Variants in UNC5A observed in about 807,000 individuals in gnomAD.
The protein encoded by UNC5A is unc-5 netrin receptor A.
UNC5A carries 20 observed loss-of-function variants against 87.4 expected under a neutral mutation model. The ratio of observed to expected loss-of-function variants is 0.23; its 90% CI spans 0.16 to 0.33. The LOEUF (loss-of-function observed/expected upper bound fraction) is 0.33, where lower values mean the gene tolerates loss of function less well. UNC5A is among the 10% of genes least tolerant of loss of function. UNC5A has a pLI of 1.00. For missense variants in UNC5A, 844 were observed against 1,133.4 expected (o/e 0.74, Z 3.67); for synonymous variants, 438 against 482.3 (o/e 0.91, Z 1.20).
intron 5 of UNC5A, 120 bp from the exon 6 acceptor site, chr5:176,870,250 C>T: frequency 7.6e-7 from 1 of 1,317,330 alleles, no homozygotes; most frequent in Non-Finnish European, 1.0e-6. Context: ...GGCTTTGCAC[C>T]CAAATCCAGG....
chr5:176,871,840 A>C, intron 6 of UNC5A, among the ~76,000 whole-genome samples: 1 of 40,136 alleles, frequency 2.5e-5, no homozygotes, highest in Non-Finnish European at 6.7e-5. Flanking sequence ...CACTCGCCCC[A>C]ACACCACAGC....
intron 1 of UNC5A, among the ~76,000 whole-genome samples, chr5:176,850,303 A>C (rs920338137): frequency 1.3e-5 from 2 of 152,130 alleles, no homozygotes; most frequent in Admixed American, 6.5e-5. Context: ...CTGCTGTGTT[A>C]GTTGTATGGG....
chr5:176,814,193 G>A (rs1756535083), intron 1 of UNC5A, among the ~76,000 whole-genome samples: 1 of 152,140 alleles, frequency 6.6e-6, no homozygotes, highest in African/African-American at 2.4e-5. Flanking sequence ...GGCATCCCCT[G>A]GCATCCAGGC....
chr5:176,825,269 G>A (rs1157598121), intron 1 of UNC5A, among the ~76,000 whole-genome samples: 1 of 152,198 alleles, frequency 6.6e-6, no homozygotes, highest in Non-Finnish European at 1.5e-5. Context: ...GAGGATTCAG[G>A]GGACAATTTT....
intron 9 of UNC5A, 89 bp from the exon 10 acceptor site, chr5:176,877,446 A>T (rs926942908): frequency 6.9e-7 from 1 of 1,449,146 alleles, no homozygotes; most frequent in African/African-American, 1.4e-5. Context: ...GGCCCCTGGG[A>T]TGCTGCTGCC....
intron 2 of UNC5A, among the ~76,000 whole-genome samples, chr5:176,864,130 G>A (rs890110464): frequency 2.8e-4 from 43 of 152,096 alleles, no homozygotes; most frequent in African/African-American, 8.7e-4. Flanking sequence ...AGGGCAGGCC[G>A]GGGACCTTGG....
chr5:176,845,826 C>T (rs1243834639), intron 1 of UNC5A, among the ~76,000 whole-genome samples: 1 of 152,210 alleles, frequency 6.6e-6, no homozygotes, highest in African/African-American at 2.4e-5. Context: ...AGCTGAGATT[C>T]AGGCGATGAG....
rs907817792 is a variant in UNC5A at position 176,869,478 on chromosome 5, A to G, written c.721+514A>G. 1 of 584,914 alleles carries G rather than the reference A, an allele frequency of 1.7e-6. No homozygotes were observed. 36.2% of individuals were successfully genotyped at this position (584,914 alleles called of 1,614,324 possible). A position where few individuals can be genotyped will look rare whatever the true frequency, so the allele number is the denominator to read the frequency against. On this transcript the variant is annotated intron_variant, in intron 5 of 14. Transcript: ENST00000329542. This position sits in a 1 kb window ranked among gnomAD's most constrained non-coding sequence, Gnocchi z 9.1. ...AGCAGGCACGAGCATGGCCTCCCCCAGGCCTTCTCTCCCAGCTCAGCCACA... is the reference window on the plus strand; with the variant it reads ...AGCAGGCACGAGCATGGCCTCCCCCGGGCCTTCTCTCCCAGCTCAGCCACA...
chr5:176,843,246 G>C (rs1481916755), intron 1 of UNC5A, among the ~76,000 whole-genome samples: 1 of 152,176 alleles, frequency 6.6e-6, no homozygotes, highest in Non-Finnish European at 1.5e-5. Context: ...TGAGGGGACA[G>C]ATGCTGTGGT....
rs1468503825 is a variant in UNC5A at position 176,866,343 on chromosome 5, G to T, written c.293-1787G>T. Among the ~76,000 whole-genome samples, 2 of 152,206 alleles carry T rather than the reference G, an allele frequency of 1.3e-5. No individual in the cohort carries two copies. The highest frequency in any genetic ancestry group is 1.3e-4 in the Admixed American group (2 of 15,286). On this transcript the variant is annotated intron_variant, in intron 2 of 14. Coordinates refer to ENST00000329542, the MANE Select transcript of UNC5A (RefSeq NM_133369.3). The surrounding 1 kb of genome is among the most constrained non-coding windows in gnomAD (Gnocchi z 5.0). ...AGGGCACCCCTCACCAAGGCACTGC[G>T]TGGAGCTGGCACATTGAGGACACAC...
intron 2 of UNC5A, among the ~76,000 whole-genome samples, chr5:176,863,855 C>A: frequency 8.6e-6 from 1 of 116,452 alleles, no homozygotes; most frequent in Non-Finnish European, 1.8e-5. Flanking sequence ...TCCCCCACTC[C>A]TCTCCTACCT....
rs375888413 is a variant in UNC5A at position 176,841,094 on chromosome 5, G to A, written c.71-21530G>A. Among the ~76,000 whole-genome samples, 10 of 152,358 alleles carry A rather than the reference G, an allele frequency of 6.6e-5. No homozygotes were observed. The highest frequency in any genetic ancestry group is 1.9e-4 in the East Asian group (1 of 5,194). Reference sequence around the variant, plus strand: ...TGCATTGAAAGCTGTGGCAGGCAACGGGAGTGTCAGAAACTGTTCTCATCT... The same window carrying A: ...TGCATTGAAAGCTGTGGCAGGCAACAGGAGTGTCAGAAACTGTTCTCATCT... On this transcript the variant is annotated intron_variant, in intron 1 of 14. Coordinates refer to ENST00000329542, the MANE Select transcript of UNC5A (RefSeq NM_133369.3). The surrounding 1 kb of genome is among the most constrained non-coding windows in gnomAD (Gnocchi z 4.1).
chr5:176,823,092 C>T (rs898687583), intron 1 of UNC5A, among the ~76,000 whole-genome samples: 10 of 145,444 alleles, frequency 6.9e-5, no homozygotes, highest in Non-Finnish European at 1.3e-4. Context: ...TCCCTGATGG[C>T]GGGCAGACAG....
In UNC5A at chr5:176,810,664, G is replaced by T. The variant is rs889553702; in HGVS notation, c.-87G>T. 4.5e-6 allele frequency: 2 copies of T among 443,812 alleles called. No homozygotes were observed. Among genetic ancestry groups the T allele is most frequent in the South Asian group, 9.1e-5 (1 of 10,994 alleles). The allele number at this position is 443,812 out of a possible 1,614,324, so 27.5% of individuals were successfully genotyped here. A position where few individuals can be genotyped will look rare whatever the true frequency, so the allele number is the denominator to read the frequency against. On this transcript the variant is annotated 5_prime_UTR_variant, in exon 1 of 15. Coordinates refer to ENST00000329542, the MANE Select transcript of UNC5A (RefSeq NM_133369.3). The surrounding 1 kb of genome is among the most constrained non-coding windows in gnomAD (Gnocchi z 7.3). ...CTGGCATGGGCCCCGGGGGCGCCCC[G>T]AGCTGGGGCTCCGGGCTGAGGCGCT...
Position 176,879,488 on chromosome 5 carries a change from G to A in UNC5A, c.2363G>A (p.Ser788Asn). The A allele has an allele frequency of 1.2e-6, 2 of 1,604,722 alleles. No individual in the cohort carries two copies. Among genetic ancestry groups the A allele is most frequent in the Non-Finnish European group, 1.7e-6 (2 of 1,175,936 alleles). ...CTGGCCCAGAAACTCCACCTGGACA[G>A]GTGGGCGGGAGAGGGGCAGAGAGGG... ...RTLAQKLHLD[S>N]HLSFFASKPS... is the part of the protein sequence containing the mutation. Residue 788 changes from serine to asparagine, a missense_variant and splice_region_variant, in exon 14 of 15, where the codon AGC becomes AAC. Ser to Asn is a conservative substitution (Grantham distance 46, BLOSUM62 1). Around this residue, in one of 3 missense-constraint regions of UNC5A, gnomAD observed 177 missense variants for 279.4 expected, o/e 0.63. Transcript: ENST00000329542.
chr5:176,874,538 C>T lies in UNC5A; in HGVS notation c.1350C>T (p.Leu450=), dbSNP rs140804550. Residue 450 remains leucine (L), a synonymous_variant, in exon 8 of 15, where the codon CTC becomes CTT. Transcript: ENST00000329542. The surrounding 1 kb of genome is among the most constrained non-coding windows in gnomAD (Gnocchi z 7.6). ...TGACCTATGGGACCTTCAACTTCCT[C>T]GGGGGCCGGCTGATGATCCCTAATA... ...SNMTYGTFNF[L]GGRLMIPNTG... 305 of 1,576,942 alleles carry T rather than the reference C, an allele frequency of 1.9e-4. No homozygotes were observed. The highest frequency in any genetic ancestry group is 6.9e-4 in the African/African-American group (51 of 74,162).
At position 176,874,974 on chromosome 5, in the gene UNC5A, C is replaced by T. The variant is rs1254778172; in HGVS notation, c.1378+408C>T. ...TCCTGGCTTCCACCCACCCCAGCAC[C>T]GAAACCCTCTGAAGAACTCTTTCCA... On this transcript the variant is annotated intron_variant, in intron 8 of 14. Coordinates refer to ENST00000329542, the MANE Select transcript of UNC5A (RefSeq NM_133369.3). This position sits in a 1 kb window ranked among gnomAD's most constrained non-coding sequence, Gnocchi z 7.6. Among the ~76,000 whole-genome samples the T allele has an allele frequency of 6.6e-6, 1 of 152,202 alleles. No homozygotes were observed.
intron 1 of UNC5A, among the ~76,000 whole-genome samples, chr5:176,815,705 C>T (rs1262697269): frequency 6.6e-6 from 1 of 152,322 alleles, no homozygotes; most frequent in Non-Finnish European, 1.5e-5. Flanking sequence ...CGCATCAGGG[C>T]CCGAGCCCAG....
At chr5:176,833,021 G>T (rs1430082108) in intron 1 of UNC5A, among the ~76,000 whole-genome samples, 1 of 152,210 alleles carries the variant, frequency 6.6e-6, no homozygotes, top group Non-Finnish European at 1.5e-5. Context: ...CCACACACAG[G>T]ACTGGCACGT....
Sources: gnomAD v4.1 joint callset for allele counts (sites outside exome capture counted in the v4.1 genomes callset) on GRCh38, gnomAD v4.1.1 for gene constraint, gnomAD v4.1.1 regional missense constraint, Gnocchi (gnomAD v3.1) non-coding constraint, MANE v1.5 for transcripts, NCBI Gene and HGNC (gene_info 2026-07-23, HGNC 2026-07-21) for gene names.